The following UBE2K variants were observed in gnomAD, a reference collection of about 807,000 sequenced individuals.
The protein encoded by UBE2K is ubiquitin conjugating enzyme E2 K, also known as ubiquitin-conjugating enzyme E2 K.
A neutral mutation model predicts 30.0 loss-of-function variants in UBE2K; 6 were observed. The observed-to-expected ratio is 0.20, with a 90% CI of 0.11 to 0.39. The LOEUF is 0.39. UBE2K is among the 10% of genes least tolerant of loss of function. The pLI is 1.00. For synonymous variants in UBE2K, 86 were observed against 83.7 expected (o/e 1.03, Z -0.15); for missense variants, 61 against 241.6 (o/e 0.25, Z 4.96).
At chr4:39,743,375 G>A (rs897818212) in intron 2 of UBE2K, among the ~76,000 whole-genome samples, 1 of 152,068 alleles carries the variant, frequency 6.6e-6, no homozygotes, top group Non-Finnish European at 1.5e-5. Context: ...AGGCCGAGGC[G>A]GGTGGATCAC....
At chr4:39,757,338 T>C (rs1284218783) in intron 4 of UBE2K, among the ~76,000 whole-genome samples, 1 of 152,206 alleles carries the variant, frequency 6.6e-6, no homozygotes, top group African/African-American at 2.4e-5. Context: ...AGCTATGTGA[T>C]TGATTTGTTA....
intron 4 of UBE2K, among the ~76,000 whole-genome samples, chr4:39,773,748 C>T (rs1332781505): frequency 6.6e-6 from 1 of 151,804 alleles, no homozygotes; most frequent in African/African-American, 2.4e-5. Context: ...AGTGAAACCC[C>T]GTCTCTACTA....
chr4:39,708,053 C>G (rs1259750898), intron 1 of UBE2K, among the ~76,000 whole-genome samples: 1 of 151,932 alleles, frequency 6.6e-6, no homozygotes. Context: ...TGCACCACCA[C>G]GCTCAGCTAA....
Position 39,701,546 on chromosome 4 carries a change from T to C in UBE2K, c.63+3156T>C, listed in dbSNP as rs7685711. 6.9e-3 allele frequency among the ~76,000 whole-genome samples: 1,053 copies of C among 152,266 alleles called. 14 individuals are homozygous for C. Among genetic ancestry groups the C allele is most frequent in the African/African-American group, 0.024 (995 of 41,542 alleles). ...ATTATTTGTCTGCAATCACAGAGCC[T>C]GGGATTTGGATCTAGGTCTGCTTGT... On this transcript the variant is annotated intron_variant, in intron 1 of 6. Transcript: ENST00000261427.
At chr4:39,767,299 G>GTTTTTTT (rs71194918) in intron 4 of UBE2K, among the ~76,000 whole-genome samples, 3 of 139,796 alleles carry the variant, frequency 2.1e-5, no homozygotes, top group African/African-American at 8.1e-5. Context: ...CTTTTTTTCT[G>GTTTTTTT]TTTTTTTTTT....
chr4:39,774,442 C>CAA (rs1454501673), intron 4 of UBE2K, among the ~76,000 whole-genome samples: 1 of 150,384 alleles, frequency 6.6e-6, no homozygotes, highest in African/African-American at 2.5e-5. Context: ...CCCGTCTCTA[C>CAA]TAAAAAAAAA....
chr4:39,700,007 C>A (rs1224850698), intron 1 of UBE2K, among the ~76,000 whole-genome samples: 1 of 152,106 alleles, frequency 6.6e-6, no homozygotes, highest in Non-Finnish European at 1.5e-5. Context: ...GACATATATA[C>A]TCCTAATGAA....
At chr4:39,736,920 T>G (rs1308871951) in intron 1 of UBE2K, among the ~76,000 whole-genome samples, 1 of 152,218 alleles carries the variant, frequency 6.6e-6, no homozygotes, top group Non-Finnish European at 1.5e-5. Flanking sequence ...AGTGTACTAT[T>G]TCAGTCAGTT....
chr4:39,747,642 A>G (rs955182294), intron 3 of UBE2K, among the ~76,000 whole-genome samples: 1 of 151,882 alleles, frequency 6.6e-6, no homozygotes, highest in African/African-American at 2.4e-5. Flanking sequence ...TTTGAGATGG[A>G]GTCTTGCTCT....
chr4:39,713,370 A>G (rs572341142), intron 1 of UBE2K, among the ~76,000 whole-genome samples: 1 of 126,934 alleles, frequency 7.9e-6, no homozygotes, highest in South Asian at 2.5e-4. Flanking sequence ...TTTGTTAGCC[A>G]GGCTGGTCTC....
At chr4:39,776,076 TTAAC>T (rs1004839185) in intron 5 of UBE2K, among the ~76,000 whole-genome samples, 4 of 152,296 alleles carry the variant, frequency 2.6e-5, no homozygotes, top group African/African-American at 9.6e-5. Context: ...AGCCTGGTGT[TTAAC>T]TAAATTGGTA....
chr4:39,739,633 G>A (rs1026059697), intron 2 of UBE2K, among the ~76,000 whole-genome samples: 1 of 151,804 alleles, frequency 6.6e-6, no homozygotes, highest in Non-Finnish European at 1.5e-5. Flanking sequence ...TTTTAGTAGA[G>A]GCGGGGTTTC....
intron 1 of UBE2K, among the ~76,000 whole-genome samples, chr4:39,713,054 G>T (rs1718803748): frequency 1.3e-5 from 2 of 151,208 alleles, no homozygotes; most frequent in Admixed American, 1.3e-4. Context: ...TAGTAGAGAC[G>T]GGTTTTGCCA....
At chr4:39,717,828 G>A (rs1026491173) in intron 1 of UBE2K, among the ~76,000 whole-genome samples, 4 of 151,740 alleles carry the variant, frequency 2.6e-5, no homozygotes, top group Non-Finnish European at 5.9e-5. Flanking sequence ...TCGTGGTCTC[G>A]CTGGCTCAGG....
At chr4:39,703,429 C>CTTGAT (rs1718146279) in intron 1 of UBE2K, among the ~76,000 whole-genome samples, 1 of 152,040 alleles carries the variant, frequency 6.6e-6, no homozygotes, top group Non-Finnish European at 1.5e-5. Flanking sequence ...CTGGAGGATG[C>CTTGAT]TTGAGCCCAT....
At position 39,698,302 on chromosome 4, in the gene UBE2K, G is replaced by T; in HGVS notation, c.-26G>T. On this transcript the variant is annotated 5_prime_UTR_variant, in exon 1 of 7. Coordinates refer to ENST00000261427, the MANE Select transcript of UBE2K (RefSeq NM_005339.5). ...GGTCGTAGCGGTGGCGGAGGAGGCG[G>T]GTACGAATCAGCTGCGGGCGGAGAC... 1.9e-6 allele frequency: 3 copies of T among 1,605,876 alleles called. No homozygotes were observed. The highest frequency in any genetic ancestry group is 2.6e-6 in the Non-Finnish European group (3 of 1,176,272).
chr4:39,743,793 AGAGTT>A (rs1040271049), intron 2 of UBE2K, among the ~76,000 whole-genome samples: 1 of 152,204 alleles, frequency 6.6e-6, no homozygotes, highest in Non-Finnish European at 1.5e-5. Flanking sequence ...TATTAATCTT[AGAGTT>A]AAGAGTTGAA....
chr4:39,778,469 T>G lies in UBE2K; in HGVS notation c.*35T>G. The G allele has an allele frequency of 7.1e-7, 1 of 1,418,108 alleles. No homozygotes were observed. Among genetic ancestry groups the G allele is most frequent in the Non-Finnish European group, 9.9e-7 (1 of 1,009,576 alleles). The allele number at this position is 1,418,108 out of a possible 1,614,324, so 87.8% of individuals were successfully genotyped here. ...AGCTGCTGATATAGTCAAGCTTGCC[T>G]CTTCTTGAGGAGCACCAACATCTGT... On this transcript the variant is annotated 3_prime_UTR_variant, in exon 7 of 7. Coordinates refer to ENST00000261427, the MANE Select transcript of UBE2K (RefSeq NM_005339.5).
At chr4:39,706,271 C>G (rs1373532267) in intron 1 of UBE2K, among the ~76,000 whole-genome samples, 1 of 151,982 alleles carries the variant, frequency 6.6e-6, no homozygotes, top group African/African-American at 2.4e-5. Context: ...CTGCCTTGGC[C>G]TCCCAAAGTG....
Sources: allele counts gnomAD v4.1 joint callset (sites outside exome capture counted in the v4.1 genomes callset), GRCh38; gene constraint gnomAD v4.1.1; transcripts MANE v1.5; gene names NCBI Gene and HGNC (gene_info 2026-07-23, HGNC 2026-07-21).